CSMD1: variants seen among roughly 807,000 people sequenced by gnomAD.
CSMD1 encodes CUB and Sushi multiple domains 1.
In CSMD1, 213 loss-of-function variants were observed where a neutral mutation model predicts 417.5. The observed-to-expected ratio is 0.51, with a 90% CI of 0.46 to 0.57. CSMD1 has a LOEUF of 0.57. CSMD1 is among the 20% of genes least tolerant of loss of function. The pLI is 0.00. For synonymous variants in CSMD1, 2,862 were observed against 1,736.8 expected, an observed-to-expected ratio of 1.65 and a Z score of -16.11; for missense variants, 6,923 against 4,529.7, an observed-to-expected ratio of 1.53 and a Z score of -15.17.
intron 3 of CSMD1, among the ~76,000 whole-genome samples, chr8:4,061,967 G>A (rs754125628): frequency 6.6e-6 from 1 of 152,064 alleles, no homozygotes; most frequent in Non-Finnish European, 1.5e-5. Context: ...TCTTAGTCAG[G>A]GGATGCCAAA....
chr8:3,029,650 G>C, intron 50 of CSMD1, 137 bp from the exon 51 acceptor site: 7 of 658,762 alleles, frequency 1.1e-5, no homozygotes, highest in East Asian at 2.8e-5. Context: ...TATTATCTCA[G>C]TGTTTCTCTA....
intron 10 of CSMD1, among the ~76,000 whole-genome samples, chr8:3,494,078 T>G (rs746355305): frequency 2.1e-4 from 32 of 152,342 alleles, no homozygotes; most frequent in Non-Finnish European, 3.7e-4. Flanking sequence ...TGGTTATAGT[T>G]AATGACATAT....
At chr8:3,241,103 G>C (rs575421756) in intron 26 of CSMD1, among the ~76,000 whole-genome samples, 1 of 151,434 alleles carries the variant, frequency 6.6e-6, no homozygotes, top group East Asian at 2.0e-4. Context: ...GGAGGCTTTG[G>C]ATTGGGAAGA....
intron 52 of CSMD1, among the ~76,000 whole-genome samples, chr8:3,011,041 A>G (rs1808347007): frequency 6.6e-6 from 1 of 152,158 alleles, no homozygotes; most frequent in Admixed American, 6.5e-5. Flanking sequence ...TCAACTTTTT[A>G]TTAAAGCTAC....
chr8:4,601,600 T>C (rs1264268505), intron 2 of CSMD1, among the ~76,000 whole-genome samples: 1 of 152,202 alleles, frequency 6.6e-6, no homozygotes, highest in African/African-American at 2.4e-5. Context: ...TTCAGTACTT[T>C]CCTGCCAGCC....
chr8:3,994,382 C>G (rs925156662), intron 5 of CSMD1, among the ~76,000 whole-genome samples: 1 of 139,696 alleles, frequency 7.2e-6, no homozygotes, highest in African/African-American at 2.6e-5. Context: ...GAAATGAAAT[C>G]AATTTTCTTT....
intron 12 of CSMD1, among the ~76,000 whole-genome samples, chr8:3,446,427 G>C (rs749209752): frequency 4.6e-5 from 7 of 152,150 alleles, no homozygotes; most frequent in Non-Finnish European, 8.8e-5. Context: ...AATGTATCCT[G>C]ACAAAAACTC....
chr8:4,254,199 G>C (rs1011378973), intron 3 of CSMD1, among the ~76,000 whole-genome samples: 3 of 152,006 alleles, frequency 2.0e-5, no homozygotes, highest in Non-Finnish European at 2.9e-5. Context: ...CTGCAGGTGT[G>C]AGCCACCACG....
intron 1 of CSMD1, among the ~76,000 whole-genome samples, chr8:4,649,770 A>C (rs1422207110): frequency 1.3e-5 from 2 of 152,268 alleles, no homozygotes; most frequent in African/African-American, 4.8e-5. Flanking sequence ...GCATTTCAGA[A>C]ACTAATAATG....
At chr8:4,063,887 A>C (rs774103706) in intron 3 of CSMD1, among the ~76,000 whole-genome samples, 1 of 152,232 alleles carries the variant, frequency 6.6e-6, no homozygotes, top group South Asian at 2.1e-4. Context: ...CGTAGCTGAA[A>C]TATCAAATCG....
intron 28 of CSMD1, among the ~76,000 whole-genome samples, chr8:3,221,769 C>T (rs1027883831): frequency 6.6e-6 from 1 of 152,054 alleles, no homozygotes; most frequent in African/African-American, 2.4e-5. Context: ...ATGTGTGAGC[C>T]CCACAATCCA....
chr8:3,777,872 C>CACA (rs1798977668), intron 5 of CSMD1, among the ~76,000 whole-genome samples: 2 of 147,472 alleles, frequency 1.4e-5, no homozygotes, highest in Middle Eastern at 3.2e-3. Flanking sequence ...ACTCCAGACC[C>CACA]GCAGTCTCCT....
chr8:4,141,140 T>C (rs1803765396), intron 3 of CSMD1, among the ~76,000 whole-genome samples: 1 of 151,122 alleles, frequency 6.6e-6, no homozygotes, highest in African/African-American at 2.5e-5. Flanking sequence ...CCAAGAGAGC[T>C]CCAATAAGTA....
intron 1 of CSMD1, among the ~76,000 whole-genome samples, chr8:4,845,592 G>A (rs912160121): frequency 6.6e-6 from 1 of 152,170 alleles, no homozygotes; most frequent in Non-Finnish European, 1.5e-5. Context: ...AATATTTATT[G>A]GGTTCCTACC....
At chr8:4,796,961 C>A (rs1563414066) in intron 1 of CSMD1, among the ~76,000 whole-genome samples, 1 of 152,178 alleles carries the variant, frequency 6.6e-6, no homozygotes, top group African/African-American at 2.4e-5. Flanking sequence ...GCCCTGATTG[C>A]CTGGTCATCA....
At chr8:4,046,306 C>T (rs1385698971) in intron 3 of CSMD1, among the ~76,000 whole-genome samples, 2 of 152,082 alleles carry the variant, frequency 1.3e-5, no homozygotes, top group African/African-American at 4.8e-5. Flanking sequence ...AGTTATTTCT[C>T]TTCTTTGTCC....
At chr8:4,949,927 T>C (rs955165772) in intron 1 of CSMD1, among the ~76,000 whole-genome samples, 2 of 152,148 alleles carry the variant, frequency 1.3e-5, no homozygotes, top group African/African-American at 4.8e-5. Context: ...TGTGTGTGTG[T>C]GTGTATTCTA....
chr8:4,242,563 G>C (rs1254949589), intron 3 of CSMD1, among the ~76,000 whole-genome samples: 3 of 152,116 alleles, frequency 2.0e-5, no homozygotes, highest in African/African-American at 7.2e-5. Context: ...AAGTTGTCTT[G>C]AAAAAACTCA....
intron 2 of CSMD1, among the ~76,000 whole-genome samples, chr8:4,449,387 A>G (rs927687736): frequency 2.0e-5 from 3 of 152,304 alleles, no homozygotes; most frequent in African/African-American, 7.2e-5. Context: ...TGTATAACAT[A>G]AGAGATACTG....
Sources: gnomAD v4.1 joint callset for allele counts (sites outside exome capture counted in the v4.1 genomes callset) on GRCh38, gnomAD v4.1.1 for gene constraint, MANE v1.5 for transcripts, NCBI Gene and HGNC (gene_info 2026-07-23, HGNC 2026-07-21) for gene names.